Variants in ZYG11B observed in about 807,000 individuals in gnomAD.
ZYG11B encodes zyg-11 family member B, cell cycle regulator, also known as protein zyg-11 homolog B.
ZYG11B carries 36 observed loss-of-function variants against 82.4 expected under a neutral mutation model. The ratio of observed to expected loss-of-function variants is 0.44; its 90% CI spans 0.33 to 0.58. The LOEUF (loss-of-function observed/expected upper bound fraction) is 0.58. Among genes scored for constraint, ZYG11B ranks in the 20% least tolerant of loss-of-function variants. ZYG11B has a pLI of 0.02. For synonymous variants in ZYG11B, 303 were observed against 312.8 expected (o/e 0.97, Z 0.33); for missense variants, 552 against 895.6 (o/e 0.62, Z 4.90).
chr1:52,740,178 T>G (rs913860763), intron 1 of ZYG11B, among the ~76,000 whole-genome samples: 1 of 152,222 alleles, frequency 6.6e-6, no homozygotes, highest in African/African-American at 2.4e-5. Flanking sequence ...AGTATCTCTT[T>G]GAGTGGACAA....
chr1:52,821,710 T>G lies in ZYG11B; in HGVS notation c.*81T>G. The G allele has an allele frequency of 7.4e-7, 1 of 1,346,884 alleles. No homozygotes were observed. The allele number at this position is 1,346,884 out of a possible 1,614,324, so 83.4% of individuals were successfully genotyped here. ...TTGGAATATCTTACCCTCCCTGATGTTTTGGGGGTTTCTATGACAAGAGTC... is the reference window on the plus strand; with the variant it reads ...TTGGAATATCTTACCCTCCCTGATGGTTTGGGGGTTTCTATGACAAGAGTC... On this transcript the variant is annotated 3_prime_UTR_variant, in exon 14 of 14. Coordinates refer to ENST00000294353, the MANE Select transcript of ZYG11B (RefSeq NM_024646.3).
Position 52,803,209 on chromosome 1 carries a change from CACATATATATATATACACACAT to C in ZYG11B, c.1695+1072_1695+1093del, listed in dbSNP as rs1558140460. Among the ~76,000 whole-genome samples, 3 of 74,274 alleles carry C rather than the reference CACATATATATATATACACACAT, an allele frequency of 4.0e-5. No homozygotes were observed. In the Admixed American group the frequency reaches 5.6e-4, roughly 14 times the overall value. 48.7% of individuals were successfully genotyped at this position (74,274 alleles called of 152,430 possible). ...ATATACACATATATATATATACACA[CACATATATATATATACACACAT>C]ATATATATACACACACACATATATA... On this transcript the variant is annotated intron_variant, in intron 10 of 13. Transcript: ENST00000294353.
intron 8 of ZYG11B, among the ~76,000 whole-genome samples, chr1:52,800,099 G>A (rs1645063284): frequency 6.6e-6 from 1 of 151,536 alleles, no homozygotes; most frequent in Non-Finnish European, 1.5e-5. Flanking sequence ...AACATAGCAA[G>A]ATTCTGGCTC....
intron 10 of ZYG11B, among the ~76,000 whole-genome samples, chr1:52,802,866 A>G (rs545338317): frequency 6.6e-6 from 1 of 151,352 alleles, no homozygotes; most frequent in South Asian, 2.1e-4. Flanking sequence ...TAAAAATACA[A>G]AAAATTAGCT....
At position 52,784,025 on chromosome 1, in the gene ZYG11B, G is replaced by A. The variant is rs973668426; in HGVS notation, c.1093-852G>A. 8.4e-5 allele frequency among the ~76,000 whole-genome samples: 11 copies of A among 131,640 alleles called. 1 individual carries two copies. The South Asian group carries it at 1.4e-3, about 17-fold the overall frequency. 86.4% of individuals were successfully genotyped at this position (131,640 alleles called of 152,430 possible). On this transcript the variant is annotated intron_variant, in intron 4 of 13. Transcript: ENST00000294353. ...AGAGAGAGAGAGATGGAGTTTCACC[G>A]TTGTCATCCAGGCTTGAGTGCAATG...
rs545711785 is a variant in ZYG11B at position 52,760,080 on chromosome 1, G to T, written c.196+3457G>T. 2.0e-5 allele frequency among the ~76,000 whole-genome samples: 3 copies of T among 152,106 alleles called. No homozygotes were observed. The East Asian group carries it at 5.8e-4, about 30-fold the overall frequency. ...AACTCCTGACCTCAAGTGATCTACC[G>T]CCTAGGCCTTCGAAAGTGCTGGGAT... On this transcript the variant is annotated intron_variant, in intron 2 of 13. Coordinates refer to ENST00000294353, the MANE Select transcript of ZYG11B (RefSeq NM_024646.3).
At chr1:52,746,696 T>TG (rs1378277035) in intron 1 of ZYG11B, among the ~76,000 whole-genome samples, 1 of 129,584 alleles carries the variant, frequency 7.7e-6, no homozygotes, top group African/African-American at 2.8e-5. Flanking sequence ...TGTTTTTTTT[T>TG]TTTTTTTTTT....
rs536210410 is a variant in ZYG11B at position 52,777,378 on chromosome 1, G to A, written c.952-2475G>A. On this transcript the variant is annotated intron_variant, in intron 3 of 13. Coordinates refer to ENST00000294353, the MANE Select transcript of ZYG11B (RefSeq NM_024646.3). ...ACTCTTGTAGCATATCCTATTAATG[G>A]TTGAAATGTCAACCATGATACATCC... Among the ~76,000 whole-genome samples, 144 of 152,066 alleles carry A rather than the reference G, an allele frequency of 9.5e-4. 1 individual carries two copies. The highest frequency in any genetic ancestry group is 1.8e-3 in the Non-Finnish European group (123 of 67,994).
At chr1:52,768,795 C>T (rs1419950021) in intron 2 of ZYG11B, among the ~76,000 whole-genome samples, 4 of 152,000 alleles carry the variant, frequency 2.6e-5, no homozygotes, top group Admixed American at 1.3e-4. Flanking sequence ...GGTTTTGCCA[C>T]GTTGGCCAGG....
chr1:52,764,183 G>A (rs931080982), intron 2 of ZYG11B, among the ~76,000 whole-genome samples: 2 of 152,068 alleles, frequency 1.3e-5, no homozygotes, highest in Non-Finnish European at 2.9e-5. Context: ...GAGTGCAATG[G>A]CACTATCTCG....
At chr1:52,796,245 G>C (rs768618902) in intron 6 of ZYG11B, 47 bp from the exon 7 acceptor site, 5 of 1,439,392 alleles carry the variant, frequency 3.5e-6, no homozygotes, top group Non-Finnish European at 4.9e-6. Flanking sequence ...CTGAAATTGT[G>C]CCTGGGCCTC....
chr1:52,814,262 C>A (rs777550845), intron 12 of ZYG11B, among the ~76,000 whole-genome samples: 4 of 152,186 alleles, frequency 2.6e-5, no homozygotes, highest in Non-Finnish European at 4.4e-5. Flanking sequence ...CTCAGGTGAT[C>A]TGCCTGCCTG....
At chr1:52,748,940 C>T (rs933352928) in intron 1 of ZYG11B, among the ~76,000 whole-genome samples, 7 of 151,590 alleles carry the variant, frequency 4.6e-5, no homozygotes, top group Non-Finnish European at 1.0e-4. Context: ...GTTGCTCACG[C>T]CTGTAATCCC....
chr1:52,821,369 G>A, intron 13 of ZYG11B, 70 bp from the exon 14 acceptor site: 1 of 1,461,940 alleles, frequency 6.8e-7, no homozygotes, highest in East Asian at 2.4e-5. Flanking sequence ...ATTTTTTTGT[G>A]GAATAATTTT....
chr1:52,810,483 C>T (rs1013457034), intron 10 of ZYG11B, among the ~76,000 whole-genome samples: 4 of 152,178 alleles, frequency 2.6e-5, no homozygotes, highest in African/African-American at 7.2e-5. Context: ...TCATCTCCTA[C>T]TCCATTCAGT....
At chr1:52,732,121 G>T (rs71654970) in intron 1 of ZYG11B, among the ~76,000 whole-genome samples, 1 of 152,146 alleles carries the variant, frequency 6.6e-6, no homozygotes, top group Non-Finnish European at 1.5e-5. Context: ...TCTTATGACA[G>T]TGACATTTTG....
At chr1:52,793,868 TTTCCTTCC>T (rs751920808) in intron 6 of ZYG11B, among the ~76,000 whole-genome samples, 66 of 95,496 alleles carry the variant, frequency 6.9e-4, no homozygotes, top group South Asian at 2.5e-3. Flanking sequence ...CTTTTCTTTC[TTTCCTTCC>T]TTCCTTCCTT....
Position 52,817,777 on chromosome 1 carries a change from G to GTGTGTATATATA in ZYG11B, c.2044+1149_2044+1150insGTGTATATATAT, listed in dbSNP as rs1352242565. On this transcript the variant is annotated intron_variant, in intron 13 of 13. Coordinates refer to ENST00000294353, the MANE Select transcript of ZYG11B (RefSeq NM_024646.3). ...AATAGTAAAGTGTGTATATATATGT[G>GTGTGTATATATA]TATATATATATATATATATATATAT... Among the ~76,000 whole-genome samples the GTGTGTATATATA allele has an allele frequency of 2.9e-3, 119 of 41,500 alleles. 4 individuals are homozygous for GTGTGTATATATA. The highest frequency in any genetic ancestry group is 4.0e-3 in the Non-Finnish European group (102 of 25,780). The allele number at this position is 41,500 out of a possible 152,430, so 27.2% of individuals were successfully genotyped here. A position where few individuals can be genotyped will look rare whatever the true frequency, so the allele number is the denominator to read the frequency against.
At chr1:52,787,795 A>G (rs1644925983) in intron 5 of ZYG11B, among the ~76,000 whole-genome samples, 1 of 99,342 alleles carries the variant, frequency 1.0e-5, no homozygotes, top group African/African-American at 5.9e-5. Flanking sequence ...AAAACAACTC[A>G]ATTAAAAAAA....
Sources: allele counts gnomAD v4.1 joint callset (sites outside exome capture counted in the v4.1 genomes callset), GRCh38; gene constraint gnomAD v4.1.1; transcripts MANE v1.5; gene names NCBI Gene and HGNC (gene_info 2026-07-23, HGNC 2026-07-21).